Variants in THPO observed in about 807,000 individuals in gnomAD.
The protein encoded by THPO is thrombopoietin, also known as MPL ligand.
A neutral mutation model predicts 17.0 loss-of-function variants in THPO; 12 were observed. The ratio of observed to expected loss-of-function variants is 0.71; its 90% CI spans 0.45 to 1.14. The LOEUF (loss-of-function observed/expected upper bound fraction) is 1.14. Among genes scored for constraint, THPO ranks in the 50% most tolerant of loss-of-function variants. The pLI is 0.00. For missense variants in THPO, 365 were observed against 427.5 expected (o/e 0.85, Z 1.29); for synonymous variants, 188 against 183.0 (o/e 1.03, Z -0.22).
At position 184,372,341 on chromosome 3, in the gene THPO, T is replaced by C; in HGVS notation, c.*172A>G. 2 of 750,428 alleles carry C rather than the reference T, an allele frequency of 2.7e-6. No homozygotes were observed. The highest frequency in any genetic ancestry group is 4.4e-6 in the Non-Finnish European group (2 of 450,534). 46.5% of individuals were successfully genotyped at this position (750,428 alleles called of 1,614,324 possible). ...AGCTTAAAAAAATAGCTTCTGAAGGTTTATAATGTACAGTGAAAAATGATT... is the reference window on the plus strand; with the variant it reads ...AGCTTAAAAAAATAGCTTCTGAAGGCTTATAATGTACAGTGAAAAATGATT... On this transcript the variant is annotated 3_prime_UTR_variant, in exon 6 of 6. Transcript: ENST00000647395.
chr3:184,376,879 A>AAAGC (rs1212981099), intron 1 of THPO, among the ~76,000 whole-genome samples: 9 of 151,716 alleles, frequency 5.9e-5, no homozygotes, highest in Admixed American at 2.0e-4. Flanking sequence ...AGAAAGAAAG[A>AAAGC]AAGCAAGAAA....
chr3:184,371,953 T>G lies in THPO; in HGVS notation c.*560A>C, dbSNP rs914866699. Reference sequence around the variant, plus strand: ...CTTTCCCTTGCTTTTTAGGGAGCTTTTCGGCGCTCCCATTTATTCCTTATA... The same window carrying G: ...CTTTCCCTTGCTTTTTAGGGAGCTTGTCGGCGCTCCCATTTATTCCTTATA... On this transcript the variant is annotated 3_prime_UTR_variant, in exon 6 of 6. Transcript: ENST00000647395. 3.9e-5 allele frequency: 6 copies of G among 153,980 alleles called. No individual in the cohort carries two copies. The highest frequency in any genetic ancestry group is 3.9e-4 in the Admixed American group (6 of 15,524). The allele number at this position is 153,980 out of a possible 1,614,324, so 9.5% of individuals were successfully genotyped here. A position where few individuals can be genotyped will look rare whatever the true frequency, so the allele number is the denominator to read the frequency against.
intron 4 of THPO, among the ~76,000 whole-genome samples, chr3:184,374,605 A>G (rs1043522626): frequency 6.6e-6 from 1 of 152,226 alleles, no homozygotes; most frequent in Non-Finnish European, 1.5e-5. Context: ...AACATCAAAC[A>G]GACAAGAATT....
intron 1 of THPO, 139 bp from the exon 2 acceptor site, chr3:184,376,543 T>G: frequency 9.9e-7 from 1 of 1,007,170 alleles, no homozygotes; most frequent in South Asian, 1.7e-5. Context: ...CACATTTTCT[T>G]GTGATGAAAG....
upstream of THPO, chr3:184,378,472 T>C (rs1291727135): frequency 1.0e-5 from 9 of 900,698 alleles, no homozygotes; most frequent in Non-Finnish European, 9.3e-6. Context: ...TGTTTAAGAT[T>C]GGTGGGGTTT....
Position 184,372,375 on chromosome 3 carries a change from A to G in THPO, c.*138T>C. 1 of 1,022,492 alleles carries G rather than the reference A, an allele frequency of 9.8e-7. No homozygotes were observed. Among genetic ancestry groups the G allele is most frequent in the Admixed American group, 1.9e-5 (1 of 52,456 alleles). 63.3% of individuals were successfully genotyped at this position (1,022,492 alleles called of 1,614,324 possible). On this transcript the variant is annotated 3_prime_UTR_variant, in exon 6 of 6. Transcript: ENST00000647395. ...TACAGTGAAAAATGATTCCCTTTTC[A>G]GTCCTGTGTATCCCTTTTACCAGGG...
At chr3:184,373,312 T>C in intron 5 of THPO, 103 bp downstream of exon 5, 4 of 1,561,540 alleles carry the variant, frequency 2.6e-6, no homozygotes, top group Non-Finnish European at 3.5e-6. Context: ...GATCAGCTCT[T>C]CTGCCCTTGA....
At chr3:184,375,858 G>A (rs746455346) in intron 3 of THPO, 30 bp downstream of exon 3, 2 of 1,612,332 alleles carry the variant, frequency 1.2e-6, no homozygotes, top group Non-Finnish European at 8.5e-7. Context: ...CAGTTACGCG[G>A]ATAAAGGGGA....
upstream of THPO, among the ~76,000 whole-genome samples, chr3:184,379,103 C>A (rs1714743908): frequency 6.6e-6 from 1 of 152,182 alleles, no homozygotes; most frequent in Non-Finnish European, 1.5e-5. Context: ...AGGCTCTCTC[C>A]TGTTCCTCCT....
intron 1 of THPO, among the ~76,000 whole-genome samples, chr3:184,377,771 G>A (rs1374223552): frequency 6.6e-6 from 1 of 152,150 alleles, no homozygotes; most frequent in Non-Finnish European, 1.5e-5. Flanking sequence ...TTACTACTGT[G>A]TTTGCTAAGC....
Position 184,375,983 on chromosome 3 carries a change from C to A in THPO, c.46G>T (p.Ala16Ser). 1 of 1,613,864 alleles carries A rather than the reference C, an allele frequency of 6.2e-7. No homozygotes were observed. The highest frequency in any genetic ancestry group is 8.5e-7 in the Non-Finnish European group (1 of 1,179,964). ...GCCGGGCTGGACAGCGTTAGCCTTG[C>A]AGTTAGGAGAAGCATGACCACGAGG... is the stretch of plus-strand genomic sequence containing the variant. ...LLLVVMLLLT[A>S]RLTLSSPAPP... The change falls in exon 3 of 6, where the codon GCA becomes TCA. Residue 16 changes from alanine (A) to serine (S), a missense_variant. Coordinates refer to ENST00000647395, the MANE Select transcript of THPO (RefSeq NM_000460.4).
At chr3:184,373,293 C>G in intron 5 of THPO, 115 bp from the exon 6 acceptor site, 1 of 1,557,864 alleles carries the variant, frequency 6.4e-7, no homozygotes, top group Non-Finnish European at 8.8e-7. Context: ...GCAGGGAGCA[C>G]TCTTAGTAGA....
chr3:184,373,277 T>C, intron 5 of THPO, 99 bp from the exon 6 acceptor site: 1 of 1,572,656 alleles, frequency 6.4e-7, no homozygotes, highest in Non-Finnish European at 8.7e-7. Context: ...CCAGGCATTG[T>C]GGCTGGCAGG....
intron 1 of THPO, among the ~76,000 whole-genome samples, chr3:184,376,674 G>A (rs530107384): frequency 7.9e-5 from 12 of 152,066 alleles, no homozygotes; most frequent in East Asian, 3.9e-4. Flanking sequence ...GTGAAACCCC[G>A]GCTCTACGAA....
chr3:184,376,854 A>AAAAGAAAGAAAG (rs749356268), intron 1 of THPO, among the ~76,000 whole-genome samples: 3 of 150,716 alleles, frequency 2.0e-5, no homozygotes, highest in African/African-American at 7.4e-5. Context: ...TCAAAAAAAA[A>AAAAGAAAGAAAG]AAAGAAAGAA....
intron 4 of THPO, among the ~76,000 whole-genome samples, chr3:184,373,968 C>T (rs1577357796): frequency 6.6e-6 from 1 of 152,216 alleles, no homozygotes; most frequent in Non-Finnish European, 1.5e-5. Context: ...TGGCTCACGC[C>T]TGTAATCCCA....
chr3:184,376,203 T>C, intron 2 of THPO, 44 bp downstream of exon 2: 1 of 1,614,044 alleles, frequency 6.2e-7, no homozygotes, highest in Non-Finnish European at 8.5e-7. Flanking sequence ...TCTCCCCTTC[T>C]GTCATGTTTC....
In THPO at chr3:184,372,694, G is replaced by A. The variant is rs2108617543; in HGVS notation, c.881C>T (p.Pro294Leu). The A allele has an allele frequency of 6.2e-7, 1 of 1,613,400 alleles. No individual in the cohort carries two copies. Among genetic ancestry groups the A allele is most frequent in the Middle Eastern group, 1.7e-4 (1 of 6,058 alleles). The stretch of plus-strand genomic sequence containing the variant: ...TCCAGTAGGAGGATGGGTTGGGGAA[G>A]GAGAATATCCAGGCTGGAGGTTGGG... ...LPPNLQPGYS[P>L]SPTHPPTGQY... is the part of the protein sequence containing the mutation. The change falls in exon 6 of 6, where the codon CCT (proline) becomes CTT (leucine). Residue 294 changes from proline (P) to leucine (L), a missense_variant. Physicochemically the swap from Pro to Leu is moderately conservative, Grantham distance 98 (BLOSUM62 -3). Coordinates refer to ENST00000647395, the MANE Select transcript of THPO (RefSeq NM_000460.4).
In THPO at chr3:184,372,368, C is replaced by T. The variant is rs990391625; in HGVS notation, c.*145G>A. ...TATAATGTACAGTGAAAAATGATTC[C>T]CTTTTCAGTCCTGTGTATCCCTTTT... On this transcript the variant is annotated 3_prime_UTR_variant, in exon 6 of 6. Transcript: ENST00000647395. The T allele has an allele frequency of 3.1e-6, 3 of 963,000 alleles. No individual in the cohort carries two copies. The highest frequency in any genetic ancestry group is 4.9e-6 in the Non-Finnish European group (3 of 612,834). The allele number at this position is 963,000 out of a possible 1,614,324, so 59.7% of individuals were successfully genotyped here. A position where few individuals can be genotyped will look rare whatever the true frequency, so the allele number is the denominator to read the frequency against.
Sources: allele counts gnomAD v4.1 joint callset (sites outside exome capture counted in the v4.1 genomes callset), GRCh38; gene constraint gnomAD v4.1.1; transcripts MANE v1.5; gene names NCBI Gene and HGNC (gene_info 2026-07-23, HGNC 2026-07-21).